The following PCDH9 variants were observed in gnomAD, a reference collection of about 807,000 sequenced individuals.
PCDH9 encodes the protein protocadherin-9.
PCDH9 carries 24 observed loss-of-function variants against 70.6 expected under a neutral mutation model. The observed-to-expected ratio is 0.34, with a 90% CI of 0.25 to 0.48. PCDH9 has a LOEUF of 0.48. Ranked by LOEUF, PCDH9 falls within the 20% of genes least tolerant of loss-of-function variation. The probability of loss-of-function intolerance (pLI) is 0.99; values close to 1 mark genes in which losing one functional copy is unlikely to be tolerated. For missense variants in PCDH9, 1,281 were observed against 1,503.6 expected, an observed-to-expected ratio of 0.85 and a Z score of 2.45; for synonymous variants, 562 against 558.5, an observed-to-expected ratio of 1.01 and a Z score of -0.09.
chr13:67,074,531 A>G (rs1274210313), intron 2 of PCDH9, among the ~76,000 whole-genome samples: 1 of 152,178 alleles, frequency 6.6e-6, no homozygotes. Flanking sequence ...AGCAAAGGCT[A>G]TGGAGTAAAA....
chr13:66,446,916 C>T (rs79583947), intron 4 of PCDH9, among the ~76,000 whole-genome samples: 2,741 of 151,962 alleles, frequency 0.018, 77 homozygotes, highest in East Asian at 0.082. Context: ...AAAACAAGAG[C>T]AATAACAGAG....
chr13:66,913,482 C>T (rs1191073322), intron 2 of PCDH9, among the ~76,000 whole-genome samples: 1 of 151,784 alleles, frequency 6.6e-6, no homozygotes, highest in Non-Finnish European at 1.5e-5. Flanking sequence ...TTCCAGAATA[C>T]CCTGGAAATG....
At chr13:66,948,092 G>C (rs9571700) in intron 2 of PCDH9, among the ~76,000 whole-genome samples, 29,733 of 151,834 alleles carry the variant, frequency 0.2, 3,267 homozygotes, top group East Asian at 0.54. Context: ...AGTTTTCAAA[G>C]ATACTTTCAT....
chr13:67,033,157 T>C (rs2084940053), intron 2 of PCDH9, among the ~76,000 whole-genome samples: 1 of 152,288 alleles, frequency 6.6e-6, no homozygotes, highest in Middle Eastern at 3.4e-3. Context: ...AATTAAGATA[T>C]TTCTCTCTCT....
intron 3 of PCDH9, among the ~76,000 whole-genome samples, chr13:66,820,461 A>T (rs1235592613): frequency 6.6e-6 from 1 of 152,152 alleles, no homozygotes; most frequent in Non-Finnish European, 1.5e-5. Context: ...AGTCCTAAAG[A>T]CAGAAATGCC....
At chr13:66,854,595 T>A (rs915676605) in intron 3 of PCDH9, among the ~76,000 whole-genome samples, 4 of 152,110 alleles carry the variant, frequency 2.6e-5, no homozygotes, top group Non-Finnish European at 4.4e-5. Flanking sequence ...TGTAACCAAG[T>A]GTCTTTTTTA....
At position 66,655,560 on chromosome 13, in the gene PCDH9, A is replaced by C. The variant is rs138284080; in HGVS notation, c.3139-24149T>G. 3.0e-3 allele frequency among the ~76,000 whole-genome samples: 450 copies of C among 152,144 alleles called. 2 individuals carry two copies. Among genetic ancestry groups the C allele is most frequent in the African/African-American group, 0.01 (427 of 41,552 alleles). ...TATATTTTTAAAATTATAATGCATG[A>C]ATTTAATATAATCTGAGTGTAAAAT... On this transcript the variant is annotated intron_variant, in intron 3 of 4. Transcript: ENST00000377865.
chr13:66,625,444 AC>A, intron 4 of PCDH9, among the ~76,000 whole-genome samples: 1 of 152,146 alleles, frequency 6.6e-6, no homozygotes, highest in East Asian at 1.9e-4. Flanking sequence ...GTTCTTTAAA[AC>A]CACTTGGCAA....
intron 2 of PCDH9, among the ~76,000 whole-genome samples, chr13:66,966,283 G>T (rs193210429): frequency 1.9e-3 from 288 of 152,114 alleles, no homozygotes; most frequent in Non-Finnish European, 3.3e-3. Context: ...TGTTTAAGTT[G>T]TTTCAAGTAT....
intron 2 of PCDH9, among the ~76,000 whole-genome samples, chr13:67,075,298 G>T (rs888914907): frequency 6.6e-6 from 1 of 151,832 alleles, no homozygotes; most frequent in African/African-American, 2.4e-5. Context: ...TGCATAAAGG[G>T]GAAAGTTATA....
intron 3 of PCDH9, among the ~76,000 whole-genome samples, chr13:66,799,691 G>C (rs183914819): frequency 1.3e-5 from 2 of 152,146 alleles, no homozygotes; most frequent in East Asian, 3.9e-4. Context: ...TTGTAATAAG[G>C]AACAATCAGT....
intron 3 of PCDH9, among the ~76,000 whole-genome samples, chr13:66,901,876 T>C (rs976941411): frequency 2.6e-5 from 4 of 151,768 alleles, no homozygotes; most frequent in African/African-American, 9.7e-5. Context: ...CTGAGGAGTA[T>C]GGTTAAGTCA....
chr13:66,896,089 C>G (rs924012785), intron 3 of PCDH9, among the ~76,000 whole-genome samples: 1 of 152,142 alleles, frequency 6.6e-6, no homozygotes, highest in African/African-American at 2.4e-5. Flanking sequence ...GCGGCTCTTC[C>G]TGTGAACAAA....
chr13:66,710,638 A>G (rs2078779580), intron 3 of PCDH9, among the ~76,000 whole-genome samples: 1 of 152,194 alleles, frequency 6.6e-6, no homozygotes, highest in Admixed American at 6.5e-5. Context: ...TAACACTCAG[A>G]TGTATAACCT....
chr13:66,765,005 TC>T (rs2079689755), intron 3 of PCDH9, among the ~76,000 whole-genome samples: 1 of 149,350 alleles, frequency 6.7e-6, no homozygotes, highest in Admixed American at 6.8e-5. Flanking sequence ...CATCTGTCTC[TC>T]TCTCTGTCTC....
chr13:66,568,946 G>A (rs2076692636), intron 4 of PCDH9, among the ~76,000 whole-genome samples: 1 of 147,074 alleles, frequency 6.8e-6, no homozygotes. Flanking sequence ...AGTATGAAAG[G>A]TTCGTATATA....
rs114837812 is a variant in PCDH9 at position 66,725,288 on chromosome 13, T to G, written c.3139-93877A>C. Among the ~76,000 whole-genome samples, 378 of 152,346 alleles carry G rather than the reference T, an allele frequency of 2.5e-3. 4 individuals carry two copies. The highest frequency in any genetic ancestry group is 8.1e-3 in the African/African-American group (337 of 41,590). On this transcript the variant is annotated intron_variant, in intron 3 of 4. Transcript: ENST00000377865. ...TACCTACTTGGTTGATTGTCCAAGC[T>G]ATTATCACCTCTCATCTGGATTAGT... is the stretch of plus-strand genomic sequence containing the variant.
intron 2 of PCDH9, among the ~76,000 whole-genome samples, chr13:67,094,176 T>C (rs1206972682): frequency 2.0e-5 from 3 of 152,210 alleles, no homozygotes; most frequent in Admixed American, 6.5e-5. Context: ...CATTCTTAAG[T>C]TGTGTCTGTA....
chr13:66,807,938 G>T (rs1211608769), intron 3 of PCDH9, among the ~76,000 whole-genome samples: 1 of 152,116 alleles, frequency 6.6e-6, no homozygotes, highest in Non-Finnish European at 1.5e-5. Context: ...TTTTCTCAAT[G>T]CATCCTCAGA....
Sources: allele counts gnomAD v4.1 joint callset (sites outside exome capture counted in the v4.1 genomes callset), GRCh38; gene constraint gnomAD v4.1.1; transcripts MANE v1.5; gene names NCBI Gene and HGNC (gene_info 2026-07-23, HGNC 2026-07-21).